The following CBLB variants were observed in gnomAD, a reference collection of about 807,000 sequenced individuals.
The protein encoded by CBLB is Cbl proto-oncogene B, also known as E3 ubiquitin-protein ligase CBL-B.
In CBLB, 31 loss-of-function variants were observed where a neutral mutation model predicts 104.9. The observed-to-expected ratio is 0.30, with a 90% confidence interval of 0.22 to 0.40. The LOEUF (loss-of-function observed/expected upper bound fraction) is 0.40, where lower values mean the gene tolerates loss of function less well. Ranked by LOEUF, CBLB falls within the 10% of genes least tolerant of loss-of-function variation. The pLI, the probability that CBLB is intolerant of heterozygous loss-of-function variation, is 1.00. For missense variants in CBLB, 1,062 were observed against 1,214.6 expected, an observed-to-expected ratio of 0.87 and a Z score of 1.87; for synonymous variants, 440 against 422.6, an observed-to-expected ratio of 1.04 and a Z score of -0.51.
At chr3:105,672,559 GC>G (rs2065183883) in intron 17 of CBLB, 1 of 157,338 alleles carries the variant, frequency 6.4e-6, no homozygotes, top group African/African-American at 2.4e-5. Flanking sequence ...AAGTAATAAA[GC>G]TTTTCTAAAA....
intron 10 of CBLB, among the ~76,000 whole-genome samples, chr3:105,712,517 C>T (rs1233748295): frequency 6.6e-6 from 1 of 152,112 alleles, no homozygotes; most frequent in African/African-American, 2.4e-5. Flanking sequence ...CATGTGAAAA[C>T]CCTTATTGCT....
intron 3 of CBLB, among the ~76,000 whole-genome samples, chr3:105,836,189 T>C (rs2088465639): frequency 6.6e-6 from 1 of 152,212 alleles, no homozygotes; most frequent in Non-Finnish European, 1.5e-5. Context: ...AAAAAGGTTA[T>C]GACAGCTCTG....
chr3:105,769,583 T>TG (rs1221834608), intron 4 of CBLB, among the ~76,000 whole-genome samples: 1 of 152,114 alleles, frequency 6.6e-6, no homozygotes, highest in Non-Finnish European at 1.5e-5. Context: ...AGAGCATGGG[T>TG]GACTGCCTAT....
At chr3:105,661,674 C>T (rs1351176633) in intron 18 of CBLB, among the ~76,000 whole-genome samples, 1 of 152,150 alleles carries the variant, frequency 6.6e-6, no homozygotes, top group Non-Finnish European at 1.5e-5. Flanking sequence ...GGGATGAATA[C>T]TATGACGAAT....
chr3:105,840,874 A>G (rs1448852132), intron 3 of CBLB, among the ~76,000 whole-genome samples: 2 of 1,768 alleles, frequency 1.1e-3, no homozygotes, highest in Non-Finnish European at 0.018. Flanking sequence ...TTACTCAAGA[A>G]AAAAAAAAAA....
chr3:105,811,701 C>G (rs534157815), intron 3 of CBLB, among the ~76,000 whole-genome samples: 1 of 151,892 alleles, frequency 6.6e-6, no homozygotes, highest in East Asian at 1.9e-4. Flanking sequence ...TACAACCCTA[C>G]GAAAATTACT....
At chr3:105,837,898 G>T (rs1348487990) in intron 3 of CBLB, among the ~76,000 whole-genome samples, 2 of 151,822 alleles carry the variant, frequency 1.3e-5, no homozygotes, top group Admixed American at 1.3e-4. Context: ...TCTCTCTTCT[G>T]CCTCCCTCCA....
chr3:105,800,231 C>G (rs2082684132), intron 3 of CBLB, among the ~76,000 whole-genome samples: 1 of 152,100 alleles, frequency 6.6e-6, no homozygotes, highest in African/African-American at 2.4e-5. Flanking sequence ...CATGTGCAGA[C>G]CAGTATCCCA....
Position 105,702,430 on chromosome 3 carries a change from A to C in CBLB, c.1623T>G (p.Asp541Glu). ...GAGGAGGTGGTGCTGGGAGTGGTTT[A>C]TCTTGTTTTCTCACCATGCAAGGAG... is the stretch of plus-strand genomic sequence containing the variant. ...KSSPCMVRKQ[D>E]KPLPAPPPPL... is the part of the protein sequence containing the mutation. The change falls in exon 12 of 19, where the codon GAT (aspartate) becomes GAG (glutamate). Residue 541 changes from aspartate to glutamate, a missense_variant. This residue lies in a region of CBLB where 605 missense variants were observed against 582.6 expected (regional missense o/e 1.04). Transcript: ENST00000394030. The C allele has an allele frequency of 8.2e-7, 1 of 1,226,970 alleles. No homozygotes were observed. The highest frequency in any genetic ancestry group is 1.1e-6 in the Non-Finnish European group (1 of 904,836). 76.0% of individuals were successfully genotyped at this position (1,226,970 alleles called of 1,614,324 possible). A position where few individuals can be genotyped will look rare whatever the true frequency, so the allele number is the denominator to read the frequency against.
At position 105,678,512 on chromosome 3, in the gene CBLB, G is replaced by T; in HGVS notation, c.2488C>A (p.His830Asn). ...SLPPPPPPAR[H>N]SLIEHSKPPG... is the part of the protein sequence containing the mutation. ...GGTTTTGAATGTTCAATGAGACTAT[G>T]CCTTGCAGGAGGTGGGGGAGGTGGG... is the stretch of plus-strand genomic sequence containing the variant. Residue 830 changes from histidine to asparagine, a missense_variant, in exon 17 of 19, where the codon CAT becomes AAT. His to Asn is a moderately conservative substitution (Grantham distance 68). Transcript: ENST00000394030. The T allele has an allele frequency of 6.2e-7, 1 of 1,613,908 alleles. No homozygotes were observed. Among genetic ancestry groups the T allele is most frequent in the Non-Finnish European group, 8.5e-7 (1 of 1,179,766 alleles).
At chr3:105,705,849 TC>T (rs2070036379) in intron 10 of CBLB, among the ~76,000 whole-genome samples, 1 of 152,226 alleles carries the variant, frequency 6.6e-6, no homozygotes, top group African/African-American at 2.4e-5. Flanking sequence ...TAAAAATAAA[TC>T]TGAGGCCAGC....
At chr3:105,740,143 G>A (rs575358483) in intron 7 of CBLB, among the ~76,000 whole-genome samples, 1 of 151,736 alleles carries the variant, frequency 6.6e-6, no homozygotes, top group Non-Finnish European at 1.5e-5. Context: ...GTATTCTAAG[G>A]GTTATATGAA....
intron 3 of CBLB, among the ~76,000 whole-genome samples, chr3:105,786,002 G>T (rs2080943823): frequency 7.1e-6 from 1 of 140,766 alleles, no homozygotes; most frequent in African/African-American, 2.6e-5. Context: ...TTTGAAGGAT[G>T]GGAGACATTG....
chr3:105,849,632 C>T (rs1419183823), intron 3 of CBLB, among the ~76,000 whole-genome samples: 2 of 152,096 alleles, frequency 1.3e-5, no homozygotes, highest in South Asian at 2.1e-4. Flanking sequence ...GAAAATGTTT[C>T]AAGTTTCCAC....
At chr3:105,755,976 A>C (rs1278146020) in intron 4 of CBLB, among the ~76,000 whole-genome samples, 1 of 152,216 alleles carries the variant, frequency 6.6e-6, no homozygotes, top group Non-Finnish European at 1.5e-5. Context: ...TTTGTCCTTT[A>C]TGATCCAATG....
intron 3 of CBLB, among the ~76,000 whole-genome samples, chr3:105,822,168 T>C (rs1010050209): frequency 3.4e-4 from 52 of 152,276 alleles, no homozygotes; most frequent in African/African-American, 1.1e-3. Context: ...CACACACATA[T>C]ACAATGGCAG....
intron 2 of CBLB, among the ~76,000 whole-genome samples, chr3:105,855,888 T>G (rs991551684): frequency 2.0e-5 from 3 of 152,212 alleles, no homozygotes; most frequent in Admixed American, 6.5e-5. Flanking sequence ...TTCTTTCAAA[T>G]CATATAAGTT....
At chr3:105,754,503 GAGAGAGAGAGAGAGAGAGAC>G (rs761491533) in intron 4 of CBLB, among the ~76,000 whole-genome samples, 3 of 70,250 alleles carry the variant, frequency 4.3e-5, no homozygotes, top group African/African-American at 6.0e-5. Context: ...AAGAGAGAGA[GAGAGAGAGAGAGAGAGAGAC>G]AGAGAGAGAG....
chr3:105,776,181 T>C (rs553478625), intron 4 of CBLB, among the ~76,000 whole-genome samples: 1 of 152,326 alleles, frequency 6.6e-6, no homozygotes, highest in East Asian at 1.9e-4. Flanking sequence ...ATAAATAACA[T>C]TGTATAATAT....
Sources: gnomAD v4.1 joint callset for allele counts (sites outside exome capture counted in the v4.1 genomes callset) on GRCh38, gnomAD v4.1.1 for gene constraint, gnomAD v4.1.1 regional missense constraint, MANE v1.5 for transcripts, NCBI Gene and HGNC (gene_info 2026-07-23, HGNC 2026-07-21) for gene names.